Variants in NSD2 observed in about 807,000 individuals in gnomAD.
NSD2 encodes the protein histone-lysine N-methyltransferase NSD2.
NSD2 carries 12 observed loss-of-function variants against 139.0 expected under a neutral mutation model. The ratio of observed to expected loss-of-function variants is 0.09; its 90% CI spans 0.06 to 0.14. The LOEUF (loss-of-function observed/expected upper bound fraction) is 0.14, where lower values mean the gene tolerates loss of function less well. Ranked by LOEUF, NSD2 falls within the 10% of genes least tolerant of loss-of-function variation. NSD2 has a pLI of 1.00. For missense variants in NSD2, 1,155 were observed against 1,745.0 expected (o/e 0.66, Z 6.02); for synonymous variants, 669 against 648.7 (o/e 1.03, Z -0.48).
intron 1 of NSD2, among the ~76,000 whole-genome samples, chr4:1,881,866 AC>A (rs1714730206): frequency 6.6e-6 from 1 of 152,170 alleles, no homozygotes; most frequent in African/African-American, 2.4e-5. Flanking sequence ...AGAGAGCAGA[AC>A]GGGGATTGGG....
chr4:1,955,718 C>T lies in NSD2; in HGVS notation c.2544C>T (p.Ser848=). 6.2e-7 allele frequency: 1 copy of T among 1,613,854 alleles called. No individual in the cohort carries two copies. The highest frequency in any genetic ancestry group is 8.5e-7 in the Non-Finnish European group (1 of 1,179,902). ...GGGGGAGCCTTCTGTGCTGTGAGTC[C>T]TGCCCAGCGGCCTTCCACCCTGACT... is the stretch of plus-strand genomic sequence containing the variant. ...SKGGSLLCCE[S]CPAAFHPDCL... The change falls in exon 14 of 22, where the codon TCC becomes TCT. Residue 848 remains serine, a synonymous_variant. Transcript: ENST00000508803. The surrounding 1 kb of genome is among the most constrained non-coding windows in gnomAD (Gnocchi z 4.7).
At chr4:1,975,727 G>A (rs932926885) in intron 20 of NSD2, 12 of 285,480 alleles carry the variant, frequency 4.2e-5, no homozygotes, top group African/African-American at 1.1e-4. Flanking sequence ...TCCTGGTGGC[G>A]GCCACAGTCC....
intron 11 of NSD2, chr4:1,952,950 G>T: frequency 7.0e-7 from 1 of 1,427,162 alleles, no homozygotes; most frequent in Non-Finnish European, 9.1e-7. Flanking sequence ...GTGTCTGTCT[G>T]CCTGCCCAGA....
At position 1,974,683 on chromosome 4, in the gene NSD2, T is replaced by C; in HGVS notation, c.3373-180T>C. 1.1e-6 allele frequency: 1 copy of C among 910,072 alleles called. No individual in the cohort carries two copies. The highest frequency in any genetic ancestry group is 1.8e-6 in the Non-Finnish European group (1 of 553,476). 56.4% of individuals were successfully genotyped at this position (910,072 alleles called of 1,614,324 possible). On this transcript the variant is annotated intron_variant, in intron 18 of 21. Transcript: ENST00000508803. The surrounding 1 kb of genome is among the most constrained non-coding windows in gnomAD (Gnocchi z 4.0). ...CTCCACGTGGTCCTGACCTGTCCTCTGTGAGCAAGAGAAACAGGACTGGTT... is the reference window on the plus strand; with the variant it reads ...CTCCACGTGGTCCTGACCTGTCCTCCGTGAGCAAGAGAAACAGGACTGGTT...
intron 1 of NSD2, among the ~76,000 whole-genome samples, chr4:1,872,984 C>T (rs1373621875): frequency 6.6e-6 from 1 of 152,210 alleles, no homozygotes; most frequent in Non-Finnish European, 1.5e-5. Flanking sequence ...TGAGCACAGC[C>T]TTTCCTTGTG....
Position 1,948,328 on chromosome 4 carries a change from A to G in NSD2, c.1882-2744A>G, listed in dbSNP as rs1206143969. 4.7e-6 allele frequency: 5 copies of G among 1,065,658 alleles called. No homozygotes were observed. The highest frequency in any genetic ancestry group is 4.6e-6 in the Non-Finnish European group (4 of 878,626). The allele number at this position is 1,065,658 out of a possible 1,614,324, so 66.0% of individuals were successfully genotyped here. A position where few individuals can be genotyped will look rare whatever the true frequency, so the allele number is the denominator to read the frequency against. On this transcript the variant is annotated intron_variant, in intron 9 of 21. Transcript: ENST00000508803. This position sits in a 1 kb window ranked among gnomAD's most constrained non-coding sequence, Gnocchi z 4.5. ...ATGGAATAGATCGTAGATGTTGTAG[A>G]CTGAGATTTGGGACTATGTTGGGAC...
In NSD2 at chr4:1,953,324, G is replaced by C; in HGVS notation, c.2138G>C (p.Gly713Ala). The C allele has an allele frequency of 1.2e-6, 2 of 1,614,192 alleles. No individual in the cohort carries two copies. Among genetic ancestry groups the C allele is most frequent in the Non-Finnish European group, 1.7e-6 (2 of 1,180,030 alleles). Residue 713 changes from glycine (G) to alanine (A), a missense_variant and splice_region_variant, in exon 12 of 22, where the codon GGG (glycine) becomes GCG (alanine). This residue lies in a region of NSD2 where 120 missense variants were observed against 239.3 expected (regional missense o/e 0.50). Transcript: ENST00000508803. The stretch of plus-strand genomic sequence containing the variant: ...CACCCCTTCTTTAACTTTTTGTTAG[G>C]GATTCACTCATGTTTCGTGTGTAAA... ...GRFTCSECAS[G>A]IHSCFVCKES...
At position 1,951,176 on chromosome 4, in the gene NSD2, G is replaced by C. The variant is rs1217493553; in HGVS notation, c.1986G>C (p.Val662=). 6.2e-7 allele frequency: 1 copy of C among 1,614,098 alleles called. No individual in the cohort carries two copies. Among genetic ancestry groups the C allele is most frequent in the African/African-American group, 1.3e-5 (1 of 74,948 alleles). ...CATCCAAAAAGTCTGAGCGAGGAGT[G>C]ACTGCCAAAAAGGAGTATGTGTGCC... ...SVSSKKSERG[V]TAKKEYVCQL... Residue 662 remains valine (V), a synonymous_variant, in exon 10 of 22, where the codon GTG becomes GTC. Coordinates refer to ENST00000508803, the MANE Select transcript of NSD2 (RefSeq NM_001042424.3).
Position 1,980,689 on chromosome 4 carries a change from CAGGGT to C in NSD2, c.*1781_*1785del. The C allele has an allele frequency of 4.3e-6, 1 of 233,218 alleles. No individual in the cohort carries two copies. Among genetic ancestry groups the C allele is most frequent in the East Asian group, 6.0e-5 (1 of 16,578 alleles). 14.4% of individuals were successfully genotyped at this position (233,218 alleles called of 1,614,324 possible). A position where few individuals can be genotyped will look rare whatever the true frequency, so the allele number is the denominator to read the frequency against. ...GGCTGGTGGCTGTCCCTTCTCCCATCAGGGTCCCCAGCAAAGTTAACTACACAGAG... is the reference window on the plus strand; with the variant it reads ...GGCTGGTGGCTGTCCCTTCTCCCATCCCCCAGCAAAGTTAACTACACAGAG... On this transcript the variant is annotated 3_prime_UTR_variant, in exon 22 of 22. Coordinates refer to ENST00000508803, the MANE Select transcript of NSD2 (RefSeq NM_001042424.3).
chr4:1,960,514 T>A (rs1447296741), intron 17 of NSD2, among the ~76,000 whole-genome samples: 1 of 152,230 alleles, frequency 6.6e-6, no homozygotes, highest in East Asian at 1.9e-4. Context: ...CTGACCCTGA[T>A]GTATTTTGGC....
intron 1 of NSD2, among the ~76,000 whole-genome samples, chr4:1,895,627 C>T: frequency 6.6e-6 from 1 of 152,132 alleles, no homozygotes; most frequent in East Asian, 1.9e-4. Flanking sequence ...TGTCCCATGC[C>T]TGGCTCCTGG....
chr4:1,945,929 C>G (rs773035225), intron 9 of NSD2: 11 of 1,056,558 alleles, frequency 1.0e-5, no homozygotes, highest in Non-Finnish European at 1.3e-5. Flanking sequence ...TAACATCTAG[C>G]CCTTTTAAAT....
intron 3 of NSD2, among the ~76,000 whole-genome samples, chr4:1,914,118 G>A (rs546156995): frequency 6.6e-6 from 1 of 152,252 alleles, no homozygotes; most frequent in African/African-American, 2.4e-5. Flanking sequence ...TGCCACTTGG[G>A]TTCAAGTGAT....
At chr4:1,884,216 C>T (rs1398785015) in intron 1 of NSD2, among the ~76,000 whole-genome samples, 2 of 151,796 alleles carry the variant, frequency 1.3e-5, no homozygotes. Context: ...CCACCTCAGC[C>T]TCCCAAGTAG....
chr4:1,976,802 C>A lies in NSD2; in HGVS notation c.3826+123C>A, dbSNP rs1444423298. The A allele has an allele frequency of 1.1e-5, 11 of 1,005,050 alleles. No individual in the cohort carries two copies. Among genetic ancestry groups the A allele is most frequent in the African/African-American group, 3.3e-5 (2 of 61,426 alleles). 62.3% of individuals were successfully genotyped at this position (1,005,050 alleles called of 1,614,324 possible). ...GGTGCAGGCACATCAGGCGCTCATG[C>A]AGCGAAGGCCCTGATCCAGGGTGGC... On this transcript the variant is annotated intron_variant, in intron 21 of 21. Transcript: ENST00000508803. This position sits in a 1 kb window ranked among gnomAD's most constrained non-coding sequence, Gnocchi z 5.3.
intron 17 of NSD2, among the ~76,000 whole-genome samples, chr4:1,960,006 G>A (rs764412371): frequency 1.3e-5 from 2 of 151,972 alleles, no homozygotes; most frequent in African/African-American, 4.8e-5. Context: ...GACTACAGGC[G>A]TGTTTGACCA....
At chr4:1,879,858 G>T (rs1306165093) in intron 1 of NSD2, among the ~76,000 whole-genome samples, 32 of 149,680 alleles carry the variant, frequency 2.1e-4, no homozygotes, top group Admixed American at 2.1e-3. Context: ...GTGTGTGTGT[G>T]TTTTCTCCCA....
intron 1 of NSD2, among the ~76,000 whole-genome samples, chr4:1,896,712 T>A (rs894287264): frequency 6.9e-6 from 1 of 144,120 alleles, no homozygotes; most frequent in African/African-American, 2.6e-5. Flanking sequence ...ATTCCTCTCC[T>A]TCCTTCCTTT....
At chr4:1,921,863 A>T (rs1311489356) in intron 5 of NSD2, among the ~76,000 whole-genome samples, 1 of 151,980 alleles carries the variant, frequency 6.6e-6, no homozygotes, top group East Asian at 1.9e-4. Flanking sequence ...AGTAGCCAAT[A>T]TTAGGCCGGG....
Sources: allele counts gnomAD v4.1 joint callset (sites outside exome capture counted in the v4.1 genomes callset), GRCh38; gene constraint gnomAD v4.1.1; regional missense constraint gnomAD v4.1.1; non-coding constraint Gnocchi (gnomAD v3.1); transcripts MANE v1.5; gene names NCBI Gene and HGNC (gene_info 2026-07-23, HGNC 2026-07-21).